PDGFRA: variants seen among roughly 807,000 people sequenced by gnomAD.
PDGFRA encodes the protein platelet-derived growth factor receptor alpha.
Under a neutral mutation model 121.5 loss-of-function variants are expected in PDGFRA, and 25 were observed. That is an observed-to-expected ratio of 0.21 (90% CI 0.15 to 0.29). PDGFRA has a LOEUF of 0.29. Ranked by LOEUF, PDGFRA falls within the 10% of genes least tolerant of loss-of-function variation. The pLI is 1.00. For missense variants in PDGFRA, 1,008 were observed against 1,345.1 expected (o/e 0.75, Z 3.92); for synonymous variants, 463 against 494.8 (o/e 0.94, Z 0.85).
At chr4:54,255,431 G>A (rs1459898643) in intron 1 of PDGFRA, among the ~76,000 whole-genome samples, 4 of 151,826 alleles carry the variant, frequency 2.6e-5, no homozygotes, top group Non-Finnish European at 5.9e-5. Flanking sequence ...TTATCTACTG[G>A]ATCCTGTTTA....
At chr4:54,239,077 G>A (rs973249999) in intron 1 of PDGFRA, among the ~76,000 whole-genome samples, 2 of 152,170 alleles carry the variant, frequency 1.3e-5, no homozygotes, top group Non-Finnish European at 2.9e-5. Context: ...GTGACCTCTG[G>A]TCATCCCTAC....
chr4:54,267,543 C>T lies in PDGFRA; in HGVS notation c.932-9C>T. On this transcript the variant is annotated splice_polypyrimidine_tract_variant and intron_variant, in intron 6 of 22. Transcript: ENST00000257290. ...AATCATTATTTAATGGAAACTCTTC[C>T]CTGTACAGAGAAAGGTTTCATTGAA... is the stretch of plus-strand genomic sequence containing the variant. 6.2e-7 allele frequency: 1 copy of T among 1,614,026 alleles called. No homozygotes were observed. The highest frequency in any genetic ancestry group is 1.1e-5 in the South Asian group (1 of 91,066).
Position 54,296,367 on chromosome 4 carries a change from G to GTTTTTTTTTTT in PDGFRA, c.*1101_*1111dup, listed in dbSNP as rs34529347. 2 of 204,282 alleles carry GTTTTTTTTTTT rather than the reference G, an allele frequency of 9.8e-6. No individual in the cohort carries two copies. Among genetic ancestry groups the GTTTTTTTTTTT allele is most frequent in the Non-Finnish European group, 9.7e-6 (1 of 103,048 alleles). 12.7% of individuals were successfully genotyped at this position (204,282 alleles called of 1,614,324 possible). On this transcript the variant is annotated 3_prime_UTR_variant, in exon 23 of 23. Coordinates refer to ENST00000257290, the MANE Select transcript of PDGFRA (RefSeq NM_006206.6). ...CAGCAAAAAGACTGGATTTGCAGAA[G>GTTTTTTTTTTT]TTTTTTTTTTTTTTTTCTTCATGCC...
chr4:54,257,837 T>C (rs961818219), intron 1 of PDGFRA, among the ~76,000 whole-genome samples: 5 of 152,192 alleles, frequency 3.3e-5, no homozygotes, highest in Admixed American at 2.0e-4. Context: ...AGCCCCCTTT[T>C]AGTTTCTTTC....
chr4:54,263,598 T>A, intron 3 of PDGFRA, 69 bp from the exon 4 acceptor site: 1 of 1,477,706 alleles, frequency 6.8e-7, no homozygotes, highest in South Asian at 1.1e-5. Flanking sequence ...AGTGGGATAG[T>A]TTTTCTGGAT....
chr4:54,250,717 C>G (rs1210601879), intron 1 of PDGFRA, among the ~76,000 whole-genome samples: 4 of 152,172 alleles, frequency 2.6e-5, no homozygotes, highest in Admixed American at 2.0e-4. Context: ...GGTTTATAAT[C>G]AGCTATAGGA....
In PDGFRA at chr4:54,293,429, C is replaced by CTTT. The variant is rs35064429; in HGVS notation, c.3123-1679_3123-1677dup. Among the ~76,000 whole-genome samples, 80 of 116,100 alleles carry CTTT rather than the reference C, an allele frequency of 6.9e-4. 1 individual carries two copies. The highest frequency in any genetic ancestry group is 8.3e-4 in the Non-Finnish European group (50 of 60,038). The allele number at this position is 116,100 out of a possible 152,430, so 76.2% of individuals were successfully genotyped here. ...ATTGGGTGATCATTACCTAGAATTTCTTTTTTTTTTTTTTTTTTTGAGATG... is the reference window on the plus strand; with the variant it reads ...ATTGGGTGATCATTACCTAGAATTTCTTTTTTTTTTTTTTTTTTTTTTGAGATG... On this transcript the variant is annotated intron_variant, in intron 22 of 22. Coordinates refer to ENST00000257290, the MANE Select transcript of PDGFRA (RefSeq NM_006206.6).
At chr4:54,248,407 C>T (rs1392337983) in intron 1 of PDGFRA, among the ~76,000 whole-genome samples, 6 of 152,078 alleles carry the variant, frequency 3.9e-5, no homozygotes, top group Admixed American at 2.0e-4. Flanking sequence ...TCAGAAATAA[C>T]GCCGCATATC....
intron 16 of PDGFRA, chr4:54,281,823 G>A (rs1724092087): frequency 1.6e-6 from 2 of 1,242,570 alleles, no homozygotes; most frequent in South Asian, 1.7e-5. Context: ...TGGGGAAAGT[G>A]GACAAGTTAC....
intron 1 of PDGFRA, among the ~76,000 whole-genome samples, chr4:54,231,814 C>A (rs539068303): frequency 6.6e-6 from 1 of 152,358 alleles, no homozygotes; most frequent in Admixed American, 6.5e-5. Flanking sequence ...TTGTTTAAAT[C>A]CTTAGATCGA....
At chr4:54,240,188 T>C in intron 1 of PDGFRA, 1 of 213,772 alleles carries the variant, frequency 4.7e-6, no homozygotes, top group Admixed American at 5.0e-5. Context: ...GTTTGACTTC[T>C]CTGCTCTTCA....
intron 16 of PDGFRA, among the ~76,000 whole-genome samples, chr4:54,284,516 G>A (rs1377409124): frequency 6.6e-6 from 1 of 151,774 alleles, no homozygotes; most frequent in East Asian, 1.9e-4. Flanking sequence ...AAGGTAAAGG[G>A]GGAGCAGGCA....
intron 3 of PDGFRA, 37 bp from the exon 4 acceptor site, chr4:54,263,630 A>G (rs1315003899): frequency 6.2e-7 from 1 of 1,602,050 alleles, no homozygotes; most frequent in Non-Finnish European, 8.6e-7. Flanking sequence ...GGTGAAATTA[A>G]TGTCTAATAG....
intron 1 of PDGFRA, among the ~76,000 whole-genome samples, chr4:54,257,995 C>G (rs1367486445): frequency 2.6e-5 from 4 of 152,170 alleles, no homozygotes. Flanking sequence ...TGCACGGGTG[C>G]TTTTACTTTA....
chr4:54,234,383 G>A (rs1217868281), intron 1 of PDGFRA, among the ~76,000 whole-genome samples: 2 of 152,226 alleles, frequency 1.3e-5, no homozygotes, highest in Non-Finnish European at 2.9e-5. Context: ...TCGCAGCGGC[G>A]TCTGTGTCGC....
chr4:54,251,630 C>T (rs1722059424), intron 1 of PDGFRA, among the ~76,000 whole-genome samples: 1 of 152,108 alleles, frequency 6.6e-6, no homozygotes, highest in African/African-American at 2.4e-5. Flanking sequence ...GGAAAACTGG[C>T]CTTATTCTTT....
intron 22 of PDGFRA, 53 bp downstream of exon 22, chr4:54,290,607 T>A (rs1724582376): frequency 3.1e-6 from 5 of 1,605,608 alleles, no homozygotes; most frequent in Non-Finnish European, 4.3e-6. Context: ...CTATAGGCCC[T>A]GAAGGAGAGG....
At chr4:54,290,073 G>A (rs1273323668) in intron 21 of PDGFRA, among the ~76,000 whole-genome samples, 1 of 152,216 alleles carries the variant, frequency 6.6e-6, no homozygotes, top group African/African-American at 2.4e-5. Context: ...TACTGACTTG[G>A]AGAAGGGGCT....
intron 5 of PDGFRA, among the ~76,000 whole-genome samples, chr4:54,266,404 C>CT (rs1723027641): frequency 1.4e-5 from 2 of 138,464 alleles, no homozygotes; most frequent in South Asian, 2.4e-4. Flanking sequence ...TTTTTTTTTT[C>CT]TTTTTTCTTT....
Sources: gnomAD v4.1 joint callset for allele counts (sites outside exome capture counted in the v4.1 genomes callset) on GRCh38, gnomAD v4.1.1 for gene constraint, MANE v1.5 for transcripts, NCBI Gene and HGNC (gene_info 2026-07-23, HGNC 2026-07-21) for gene names.